ABCF2: variants seen among roughly 807,000 people sequenced by gnomAD.
ABCF2 encodes the protein ATP-binding cassette sub-family F member 2.
ABCF2 carries 37 observed loss-of-function variants against 76.9 expected under a neutral mutation model. The ratio of observed to expected loss-of-function variants is 0.48; its 90% CI spans 0.37 to 0.63. ABCF2 has a LOEUF of 0.63. ABCF2 is among the 30% of genes least tolerant of loss of function. The pLI is 0.00. For synonymous variants in ABCF2, 299 were observed against 283.7 expected (o/e 1.05, Z -0.54); for missense variants, 524 against 782.1 (o/e 0.67, Z 3.94).
At chr7:151,226,630 G>T (rs992610057) in intron 1 of ABCF2, 130 bp from the exon 2 acceptor site, 5 of 684,258 alleles carry the variant, frequency 7.3e-6, no homozygotes, top group African/African-American at 5.5e-5. Context: ...CCCCCGCCTC[G>T]TCTGTTCCAA....
At chr7:151,216,091 C>T in intron 11 of ABCF2, 62 bp from the exon 12 acceptor site, 1 of 1,441,874 alleles carries the variant, frequency 6.9e-7, no homozygotes, top group African/African-American at 1.4e-5. Context: ...GAAACATAGG[C>T]AGAGCAGGCA....
Position 151,226,485 on chromosome 7 carries a change from T to C in ABCF2, c.-27A>G. On this transcript the variant is annotated 5_prime_UTR_variant, in exon 2 of 15. Transcript: ENST00000287844. Reference sequence around the variant, plus strand: ...ATGATGACCCACAGGGGTAGGTTACTGTTGTTTCAGGGAGCCTGAAGGAAG... The same window carrying C: ...ATGATGACCCACAGGGGTAGGTTACCGTTGTTTCAGGGAGCCTGAAGGAAG... The C allele has an allele frequency of 6.2e-7, 1 of 1,607,282 alleles. No homozygotes were observed. Among genetic ancestry groups the C allele is most frequent in the Non-Finnish European group, 8.5e-7 (1 of 1,177,302 alleles).
Position 151,212,541 on chromosome 7 carries a change from C to T in ABCF2, c.*1513G>A, listed in dbSNP as rs1230404858. Reference sequence around the variant, plus strand: ...TTGAGACAGTGTCTCGGTCTGTCATCAGGCTGGAGTGTAGCGGCACGCTCT... The same window carrying T: ...TTGAGACAGTGTCTCGGTCTGTCATTAGGCTGGAGTGTAGCGGCACGCTCT... On this transcript the variant is annotated 3_prime_UTR_variant, in exon 15 of 15. Transcript: ENST00000287844. 5 of 972,856 alleles carry T rather than the reference C, an allele frequency of 5.1e-6. No homozygotes were observed. The African/African-American group carries it at 5.3e-5, about 10-fold the overall frequency. 60.3% of individuals were successfully genotyped at this position (972,856 alleles called of 1,614,324 possible).
chr7:151,218,061 C>T lies in ABCF2; in HGVS notation c.1338+20G>A, dbSNP rs376114384. 2.0e-5 allele frequency: 32 copies of T among 1,561,136 alleles called. No homozygotes were observed. The highest frequency in any genetic ancestry group is 6.8e-5 in the African/African-American group (5 of 73,800). ...CAAGGCCTAATCTTAGAGGGATCCA[C>T]GCCCACCTTGGCACCATACCTCTCC... is the stretch of plus-strand genomic sequence containing the variant. On this transcript the variant is annotated intron_variant, in intron 11 of 14. Coordinates refer to ENST00000287844, the MANE Select transcript of ABCF2 (RefSeq NM_007189.3).
chr7:151,225,073 C>T, intron 2 of ABCF2, 85 bp from the exon 3 acceptor site: 2 of 1,224,166 alleles, frequency 1.6e-6, no homozygotes, highest in Non-Finnish European at 1.2e-6. Flanking sequence ...GACCAGGCTC[C>T]AATCCTGCTG....
chr7:151,213,368 C>T lies in ABCF2; in HGVS notation c.*686G>A. ...CAATTTCAAATCAGAAGTAAAGGGA[C>T]AAAGTTCTTCCAGCTCCTATGGACT... On this transcript the variant is annotated 3_prime_UTR_variant, in exon 15 of 15. Coordinates refer to ENST00000287844, the MANE Select transcript of ABCF2 (RefSeq NM_007189.3). The T allele has an allele frequency of 1.0e-6, 1 of 985,056 alleles. No individual in the cohort carries two copies. The highest frequency in any genetic ancestry group is 1.2e-6 in the Non-Finnish European group (1 of 829,802). The allele number at this position is 985,056 out of a possible 1,614,324, so 61.0% of individuals were successfully genotyped here. A position where few individuals can be genotyped will look rare whatever the true frequency, so the allele number is the denominator to read the frequency against.
chr7:151,226,200 C>T (rs748592842), intron 2 of ABCF2, 105 bp downstream of exon 2: 26 of 1,312,090 alleles, frequency 2.0e-5, no homozygotes, highest in Non-Finnish European at 2.4e-5. Context: ...AGTTGCATGA[C>T]ACCAGATACA....
At chr7:151,226,529 A>T (rs929253945) in intron 1 of ABCF2, 29 bp from the exon 2 acceptor site, 1 of 1,501,974 alleles carries the variant, frequency 6.7e-7, no homozygotes, top group Non-Finnish European at 9.0e-7. Flanking sequence ...ATACCCCCAA[A>T]CCCTAAACTT....
chr7:151,213,656 C>T lies in ABCF2; in HGVS notation c.*398G>A, dbSNP rs1802092476. 1 of 1,008,978 alleles carries T rather than the reference C, an allele frequency of 9.9e-7. No individual in the cohort carries two copies. The highest frequency in any genetic ancestry group is 1.2e-6 in the Non-Finnish European group (1 of 846,724). The allele number at this position is 1,008,978 out of a possible 1,614,324, so 62.5% of individuals were successfully genotyped here. On this transcript the variant is annotated 3_prime_UTR_variant, in exon 15 of 15. Coordinates refer to ENST00000287844, the MANE Select transcript of ABCF2 (RefSeq NM_007189.3). ...AGCAAAAAGGAATCGGGGCGGTGGGCTGGGGGGTACTCCTCCAACATCACC... is the reference window on the plus strand; with the variant it reads ...AGCAAAAAGGAATCGGGGCGGTGGGTTGGGGGGTACTCCTCCAACATCACC...
At chr7:151,224,149 G>T (rs1475538903) in intron 3 of ABCF2, 35 bp from the exon 4 acceptor site, 6 of 1,607,562 alleles carry the variant, frequency 3.7e-6, no homozygotes, top group Non-Finnish European at 5.1e-6. Context: ...TTGGTACAGT[G>T]AACTCCCCTA....
rs1323758752 is a variant in ABCF2 at position 151,218,801 on chromosome 7, G to A, written c.1090C>T (p.Gln364Ter). 1 of 1,612,942 alleles carries A rather than the reference G, an allele frequency of 6.2e-7. No homozygotes were observed. The highest frequency in any genetic ancestry group is 8.5e-7 in the Non-Finnish European group (1 of 1,179,934). The change falls in exon 9 of 15, where the codon CAG (glutamine) becomes TAG (stop). Residue 364 changes from glutamine to a stop codon, truncating the protein, a stop_gained. Coordinates refer to ENST00000287844, the MANE Select transcript of ABCF2 (RefSeq NM_007189.3). LOFTEE classifies it high-confidence loss of function. ...RQAQSKEKTL[Q>*]KMMASGLTER... The stretch of plus-strand genomic sequence containing the variant: ...GTCAGTCCTGATGCCATCATTTTCT[G>A]TAGCGTCTTCTCCTTGCTCTGGGCC...
chr7:151,222,918 C>T (rs1431526574), intron 5 of ABCF2, among the ~76,000 whole-genome samples: 9 of 151,780 alleles, frequency 5.9e-5, no homozygotes, highest in Admixed American at 5.9e-4. Flanking sequence ...ACGGAGAAGA[C>T]AAAAAAATAC....
chr7:151,217,418 T>TC (rs879315052), intron 11 of ABCF2, among the ~76,000 whole-genome samples: 53 of 152,372 alleles, frequency 3.5e-4, no homozygotes, highest in Admixed American at 6.5e-4. Context: ...TTTCTATTTT[T>TC]CATCAATATT....
chr7:151,212,368 C>T lies in ABCF2; in HGVS notation c.*1686G>A, dbSNP rs1348452693. 1.3e-5 allele frequency: 13 copies of T among 985,342 alleles called. No individual in the cohort carries two copies. Among genetic ancestry groups the T allele is most frequent in the Non-Finnish European group, 1.4e-5 (12 of 829,948 alleles). 61.0% of individuals were successfully genotyped at this position (985,342 alleles called of 1,614,324 possible). On this transcript the variant is annotated 3_prime_UTR_variant, in exon 15 of 15. Transcript: ENST00000287844. ...CTATGGCTGTGGACAGGTAAAAATA[C>T]AAAATTTCCTGTATCCCAATAGGAA... is the stretch of plus-strand genomic sequence containing the variant.
Position 151,214,850 on chromosome 7 carries a change from T to C in ABCF2, c.1734+29A>G. ...CTACCCAACCCCCTAGAAGCTCTGC[T>C]GTGCCTCACCCCCTGGCCAGGGCCT... On this transcript the variant is annotated intron_variant, in intron 14 of 14. Coordinates refer to ENST00000287844, the MANE Select transcript of ABCF2 (RefSeq NM_007189.3). This position sits in a 1 kb window ranked among gnomAD's most constrained non-coding sequence, Gnocchi z 4.9. 1.9e-6 allele frequency: 3 copies of C among 1,611,754 alleles called. No individual in the cohort carries two copies. In the African/African-American group the frequency reaches 4.0e-5, roughly 21 times the overall value.
rs1802062600 is a variant in ABCF2 at position 151,212,325 on chromosome 7, A to G, written c.*1729T>C. The G allele has an allele frequency of 4.1e-6, 4 of 985,466 alleles. No individual in the cohort carries two copies. The South Asian group carries it at 1.4e-4, about 35-fold the overall frequency. The allele number at this position is 985,466 out of a possible 1,614,324, so 61.0% of individuals were successfully genotyped here. On this transcript the variant is annotated 3_prime_UTR_variant, in exon 15 of 15. Coordinates refer to ENST00000287844, the MANE Select transcript of ABCF2 (RefSeq NM_007189.3). Reference sequence around the variant, plus strand: ...ATGCAGAGCCCTGGGCTGGAAGTGAATTCAACAGTGATGATAACTATGGCT... The same window carrying G: ...ATGCAGAGCCCTGGGCTGGAAGTGAGTTCAACAGTGATGATAACTATGGCT...
chr7:151,221,749 AAGTC>A (rs1269949751), intron 6 of ABCF2, 69 bp from the exon 7 acceptor site: 39 of 1,177,142 alleles, frequency 3.3e-5, no homozygotes, highest in Non-Finnish European at 4.3e-5. Context: ...GGTGAACTGA[AAGTC>A]AGGCCCATCC....
chr7:151,219,919 C>T lies in ABCF2; in HGVS notation c.922-760G>A, dbSNP rs551782904. On this transcript the variant is annotated intron_variant, in intron 7 of 14. Transcript: ENST00000287844. The stretch of plus-strand genomic sequence containing the variant: ...TTTGACAGCAGCCTAGCCAACATGG[C>T]GAAACCCCGTCTCTACTAAAAATAT... Among the ~76,000 whole-genome samples the T allele has an allele frequency of 4.0e-5, 6 of 151,740 alleles. No individual in the cohort carries two copies. In the East Asian group the frequency reaches 7.8e-4, roughly 20 times the overall value.
In ABCF2 at chr7:151,214,796, T is replaced by C; in HGVS notation, c.1734+83A>G. On this transcript the variant is annotated intron_variant, in intron 14 of 14. Transcript: ENST00000287844. The surrounding 1 kb of genome is among the most constrained non-coding windows in gnomAD (Gnocchi z 4.9). ...CTTCTCTTAATTCAGTAGGCGGGTA[T>C]TATGCACCCTCCACATGCCATGACT... The C allele has an allele frequency of 7.5e-7, 1 of 1,326,216 alleles. No homozygotes were observed. The highest frequency in any genetic ancestry group is 1.1e-6 in the Non-Finnish European group (1 of 927,540). The allele number at this position is 1,326,216 out of a possible 1,614,324, so 82.2% of individuals were successfully genotyped here.
Sources: allele counts gnomAD v4.1 joint callset (sites outside exome capture counted in the v4.1 genomes callset), GRCh38; gene constraint gnomAD v4.1.1; non-coding constraint Gnocchi (gnomAD v3.1); transcripts MANE v1.5; gene names NCBI Gene and HGNC (gene_info 2026-07-23, HGNC 2026-07-21).